Variants in NAA15 observed in about 807,000 individuals in gnomAD.
The protein encoded by NAA15 is N-terminal acetyltransferase.
A neutral mutation model predicts 114.0 loss-of-function variants in NAA15; 34 were observed. That is an observed-to-expected ratio of 0.30 (90% CI 0.23 to 0.40). The LOEUF (loss-of-function observed/expected upper bound fraction) is 0.40, where lower values mean the gene tolerates loss of function less well. Among genes scored for constraint, NAA15 ranks in the 10% least tolerant of loss-of-function variants. The pLI, the probability that NAA15 is intolerant of heterozygous loss-of-function variation, is 1.00. For synonymous variants in NAA15, 340 were observed against 338.0 expected, an observed-to-expected ratio of 1.01 and a Z score of -0.06; for missense variants, 658 against 1,004.5, an observed-to-expected ratio of 0.66 and a Z score of 4.66.
intron 19 of NAA15, 81 bp from the exon 20 acceptor site, chr4:139,387,803 C>G: frequency 9.6e-7 from 1 of 1,044,224 alleles, no homozygotes; most frequent in Non-Finnish European, 1.4e-6. Context: ...TTAGAAATCT[C>G]TTGCTGTTGA....
chr4:139,330,870 G>A (rs1746977316), intron 1 of NAA15, among the ~76,000 whole-genome samples: 1 of 152,136 alleles, frequency 6.6e-6, no homozygotes, highest in African/African-American at 2.4e-5. Context: ...ACTCTAGTTT[G>A]CTGTAGTGTG....
At chr4:139,373,242 A>G (rs1748493784) in intron 15 of NAA15, among the ~76,000 whole-genome samples, 1 of 152,160 alleles carries the variant, frequency 6.6e-6, no homozygotes, top group Admixed American at 6.5e-5. Context: ...TAGATGGTAA[A>G]GTCTACTACA....
At chr4:139,384,207 T>G (rs780850808) in intron 17 of NAA15, among the ~76,000 whole-genome samples, 1 of 152,244 alleles carries the variant, frequency 6.6e-6, no homozygotes, top group Non-Finnish European at 1.5e-5. Flanking sequence ...CTGGGCATGA[T>G]GGCTCATGCC....
chr4:139,370,122 A>G, intron 14 of NAA15, 89 bp from the exon 15 acceptor site: 1 of 1,113,136 alleles, frequency 9.0e-7, no homozygotes, highest in African/African-American at 1.6e-5. Context: ...ATATTTTTTA[A>G]TGGAAGTTTG....
In NAA15 at chr4:139,333,789, A is replaced by G. The variant is rs188399078; in HGVS notation, c.55-385A>G. Among the ~76,000 whole-genome samples, 8 of 152,150 alleles carry G rather than the reference A, an allele frequency of 5.3e-5. No homozygotes were observed. The East Asian group carries it at 9.6e-4, about 18-fold the overall frequency. On this transcript the variant is annotated intron_variant, in intron 1 of 19. Transcript: ENST00000296543. The stretch of plus-strand genomic sequence containing the variant: ...GTGGCGTGTGCCTGTAGTCCCAGCT[A>G]CTTGGGAGGCTGAGATAGAAGTATT...
At chr4:139,341,193 C>T (rs1409501548) in intron 4 of NAA15, 124 bp downstream of exon 4, 2 of 641,954 alleles carry the variant, frequency 3.1e-6, no homozygotes, top group Non-Finnish European at 4.8e-6. Flanking sequence ...TTTTTTTCCT[C>T]CTACCACAGT....
chr4:139,366,113 T>A (rs1748275426), intron 14 of NAA15, among the ~76,000 whole-genome samples: 1 of 152,206 alleles, frequency 6.6e-6, no homozygotes, highest in Admixed American at 6.5e-5. Flanking sequence ...ATTGGCTTTA[T>A]GTTATCTATT....
At chr4:139,306,658 G>A (rs1746031659) in intron 1 of NAA15, among the ~76,000 whole-genome samples, 1 of 151,632 alleles carries the variant, frequency 6.6e-6, no homozygotes, top group Non-Finnish European at 1.5e-5. Flanking sequence ...AACTTATTTG[G>A]AAAATTAAGT....
intron 5 of NAA15, 103 bp from the exon 6 acceptor site, chr4:139,344,083 G>C (rs116034207): frequency 2.0e-6 from 2 of 993,350 alleles, no homozygotes; most frequent in Admixed American, 5.4e-5. Flanking sequence ...TTTATCAACC[G>C]GATGTTATCC....
At chr4:139,385,097 T>G in intron 18 of NAA15, 119 bp downstream of exon 18, 1 of 852,450 alleles carries the variant, frequency 1.2e-6, no homozygotes, top group South Asian at 3.9e-5. Context: ...TGTTACATTG[T>G]GATCGTATGA....
intron 9 of NAA15, among the ~76,000 whole-genome samples, chr4:139,353,527 C>G (rs1204423729): frequency 2.0e-5 from 3 of 152,148 alleles, no homozygotes; most frequent in African/African-American, 7.2e-5. Context: ...CAAGAGAAAC[C>G]AGAACCTGGA....
Position 139,315,060 on chromosome 4 carries a change from GT to G in NAA15, c.54+13232del, listed in dbSNP as rs1560953067. 6.3e-3 allele frequency among the ~76,000 whole-genome samples: 818 copies of G among 130,874 alleles called. 44 individuals are homozygous for G. The highest frequency in any genetic ancestry group is 9.4e-3 in the Non-Finnish European group (545 of 57,942). The allele number at this position is 130,874 out of a possible 152,430, so 85.9% of individuals were successfully genotyped here. A position where few individuals can be genotyped will look rare whatever the true frequency, so the allele number is the denominator to read the frequency against. On this transcript the variant is annotated intron_variant, in intron 1 of 19. Coordinates refer to ENST00000296543, the MANE Select transcript of NAA15 (RefSeq NM_057175.5). ...GGTTAGGTTAGGTTAGGTTAGTTTA[GT>G]TTAGTTTAGTTTAGTTTTTGAGACG...
chr4:139,374,476 A>C (rs1199808423), intron 15 of NAA15, among the ~76,000 whole-genome samples: 1 of 152,184 alleles, frequency 6.6e-6, no homozygotes, highest in African/African-American at 2.4e-5. Context: ...TGGTGTGAAC[A>C]TCTTGCTGTG....
intron 14 of NAA15, among the ~76,000 whole-genome samples, chr4:139,363,881 G>GTTTGT (rs1003428595): frequency 2.6e-5 from 4 of 152,126 alleles, no homozygotes; most frequent in Non-Finnish European, 4.4e-5. Context: ...TTATTTGTTT[G>GTTTGT]TTTGTTTTGT....
intron 1 of NAA15, among the ~76,000 whole-genome samples, chr4:139,317,392 G>T (rs1367952010): frequency 1.3e-5 from 2 of 152,146 alleles, no homozygotes; most frequent in East Asian, 3.9e-4. Flanking sequence ...GGGCGGCCGA[G>T]GCGGGTAGAT....
intron 11 of NAA15, among the ~76,000 whole-genome samples, chr4:139,359,422 C>T (rs929532154): frequency 7.9e-5 from 12 of 152,190 alleles, no homozygotes; most frequent in Admixed American, 2.6e-4. Flanking sequence ...CTACAGCGCC[C>T]GGCCTTATTT....
chr4:139,365,258 G>A (rs1345114271), intron 14 of NAA15, among the ~76,000 whole-genome samples: 6 of 152,112 alleles, frequency 3.9e-5, no homozygotes, highest in South Asian at 4.2e-4. Context: ...GGCTGGTCTC[G>A]AACGCCTGAC....
At chr4:139,315,055 G>T (rs370031281) in intron 1 of NAA15, among the ~76,000 whole-genome samples, 29,088 of 126,928 alleles carry the variant, frequency 0.23, 5,180 homozygotes, top group African/African-American at 0.35. Flanking sequence ...GGTTAGGTTA[G>T]TTTAGTTTAG....
chr4:139,357,838 A>G (rs1211859172), intron 11 of NAA15, among the ~76,000 whole-genome samples: 1 of 152,222 alleles, frequency 6.6e-6, no homozygotes, highest in Admixed American at 6.5e-5. Flanking sequence ...GTAAGAGTAT[A>G]TAGGTAATCC....
Sources: allele counts gnomAD v4.1 joint callset (sites outside exome capture counted in the v4.1 genomes callset), GRCh38; gene constraint gnomAD v4.1.1; transcripts MANE v1.5; gene names NCBI Gene and HGNC (gene_info 2026-07-23, HGNC 2026-07-21).